The following ARHGAP42 variants were observed in gnomAD, a reference collection of about 807,000 sequenced individuals.
ARHGAP42 encodes Rho GTPase activating protein 42, also known as rho GTPase-activating protein 42.
ARHGAP42 carries 63 observed loss-of-function variants against 125.0 expected under a neutral mutation model. That is an observed-to-expected ratio of 0.50 (90% CI 0.41 to 0.62). The LOEUF (loss-of-function observed/expected upper bound fraction) is 0.62, where lower values mean the gene tolerates loss of function less well. Among genes scored for constraint, ARHGAP42 ranks in the 20% least tolerant of loss-of-function variants. ARHGAP42 has a pLI of 0.00. For missense variants in ARHGAP42, 766 were observed against 1,024.2 expected (o/e 0.75, Z 3.44); for synonymous variants, 339 against 351.0 (o/e 0.97, Z 0.38).
chr11:100,965,015 G>T (rs938453775), intron 16 of ARHGAP42, among the ~76,000 whole-genome samples: 4 of 152,058 alleles, frequency 2.6e-5, no homozygotes, highest in African/African-American at 9.7e-5. Context: ...GGAAGGACTC[G>T]GGAAACTTAC....
chr11:100,773,567 A>G lies in ARHGAP42; in HGVS notation c.250+3129A>G, dbSNP rs920274655. Among the ~76,000 whole-genome samples the G allele has an allele frequency of 2.3e-4, 35 of 152,220 alleles. 1 individual carries two copies. The highest frequency in any genetic ancestry group is 4.4e-5 in the Non-Finnish European group (3 of 68,046). ...TGTTTCCATTTCCATTAAGCTTCTT[A>G]CTTAAAAGACATCTTGAAGTCACAC... On this transcript the variant is annotated intron_variant, in intron 2 of 23. Coordinates refer to ENST00000298815, the MANE Select transcript of ARHGAP42 (RefSeq NM_152432.4).
intron 2 of ARHGAP42, among the ~76,000 whole-genome samples, chr11:100,773,441 A>C (rs533988406): frequency 6.6e-6 from 1 of 152,200 alleles, no homozygotes; most frequent in South Asian, 2.1e-4. Flanking sequence ...CATCAGGTTC[A>C]TATACATGAA....
intron 2 of ARHGAP42, among the ~76,000 whole-genome samples, chr11:100,781,295 T>C (rs1249026114): frequency 1.3e-5 from 2 of 152,104 alleles, no homozygotes; most frequent in African/African-American, 2.4e-5. Context: ...GTTTTTTTTT[T>C]TCTGAATGAT....
chr11:100,754,778 A>G (rs948734669), intron 1 of ARHGAP42, among the ~76,000 whole-genome samples: 68 of 152,182 alleles, frequency 4.5e-4, no homozygotes, highest in Admixed American at 4.4e-3. Context: ...AGTAATCACT[A>G]CGTAGCTTTA....
At chr11:100,987,806 A>AAAATAAAT (rs5794089) in intron 23 of ARHGAP42, among the ~76,000 whole-genome samples, 18,216 of 142,314 alleles carry the variant, frequency 0.13, 1,463 homozygotes, top group East Asian at 0.36. Context: ...CCCAACCCAC[A>AAAATAAAT]AAATAAATAA....
chr11:100,767,704 C>G (rs1254225185), intron 1 of ARHGAP42, among the ~76,000 whole-genome samples: 1 of 152,108 alleles, frequency 6.6e-6, no homozygotes, highest in Non-Finnish European at 1.5e-5. Context: ...TCCCAAGCAT[C>G]TTGATCTGCC....
chr11:100,751,469 T>A (rs1015967904), intron 1 of ARHGAP42, among the ~76,000 whole-genome samples: 4 of 151,950 alleles, frequency 2.6e-5, no homozygotes, highest in African/African-American at 7.2e-5. Context: ...TTTTTATTTT[T>A]TTTTTTCTGC....
rs1294933708 is a variant in ARHGAP42, at chr11:100,989,676, T to C, written c.*875T>C. 1.3e-5 allele frequency: 2 copies of C among 152,216 alleles called. No homozygotes were observed. The highest frequency in any genetic ancestry group is 2.9e-5 in the Non-Finnish European group (2 of 68,046). The allele number at this position is 152,216 out of a possible 1,614,324, so 9.4% of individuals were successfully genotyped here. A position where few individuals can be genotyped will look rare whatever the true frequency, so the allele number is the denominator to read the frequency against. The stretch of plus-strand genomic sequence containing the variant: ...ATTATAGTGGCATCATAGAAGAATA[T>C]TTACCAATGATGGGGAAACTGTAAA... On this transcript the variant is annotated 3_prime_UTR_variant, in exon 24 of 24. Coordinates refer to ENST00000298815, the MANE Select transcript of ARHGAP42 (RefSeq NM_152432.4).
At chr11:100,850,615 A>G (rs1324382236) in intron 3 of ARHGAP42, among the ~76,000 whole-genome samples, 1 of 152,208 alleles carries the variant, frequency 6.6e-6, no homozygotes, top group African/African-American at 2.4e-5. Flanking sequence ...AGTGCTAACT[A>G]TACAAGATCT....
chr11:100,968,755 G>A (rs1858162922), intron 17 of ARHGAP42, among the ~76,000 whole-genome samples: 1 of 151,962 alleles, frequency 6.6e-6, no homozygotes, highest in Non-Finnish European at 1.5e-5. Context: ...TTTGCTTTAT[G>A]CTTTTCATTT....
intron 1 of ARHGAP42, among the ~76,000 whole-genome samples, chr11:100,702,954 AAT>A (rs1398886138): frequency 2.7e-4 from 9 of 32,922 alleles, no homozygotes; most frequent in African/African-American, 2.5e-3. Flanking sequence ...GAGCCACTGT[AAT>A]CCCTGCCTGG....
intron 3 of ARHGAP42, among the ~76,000 whole-genome samples, chr11:100,837,215 T>C (rs1269730936): frequency 6.6e-6 from 1 of 152,190 alleles, no homozygotes; most frequent in Non-Finnish European, 1.5e-5. Flanking sequence ...GTGTGTATTT[T>C]CTAAGACACA....
intron 4 of ARHGAP42, among the ~76,000 whole-genome samples, chr11:100,904,247 C>CTAT (rs529186661): frequency 7.0e-6 from 1 of 143,824 alleles, no homozygotes; most frequent in East Asian, 2.0e-4. Flanking sequence ...TTTCCTCTCT[C>CTAT]TTTTTTTTTT....
intron 8 of ARHGAP42, among the ~76,000 whole-genome samples, chr11:100,938,194 T>G (rs1867786062): frequency 6.6e-6 from 1 of 152,090 alleles, no homozygotes; most frequent in African/African-American, 2.4e-5. Flanking sequence ...TATCCTTTGA[T>G]TCCATACCTT....
chr11:100,764,689 A>G (rs567222250), intron 1 of ARHGAP42, among the ~76,000 whole-genome samples: 6 of 152,326 alleles, frequency 3.9e-5, no homozygotes, highest in African/African-American at 1.2e-4. Context: ...GTGAAAGGAA[A>G]GAAGGGAGGG....
At chr11:100,701,986 T>C (rs1861404934) in intron 1 of ARHGAP42, among the ~76,000 whole-genome samples, 1 of 152,102 alleles carries the variant, frequency 6.6e-6, no homozygotes, top group Non-Finnish European at 1.5e-5. Flanking sequence ...GATCATTTTA[T>C]CTTTAAAGTG....
At chr11:100,988,611 T>C (rs781267204) in intron 23 of ARHGAP42, 102 bp from the exon 24 acceptor site, 11 of 891,764 alleles carry the variant, frequency 1.2e-5, no homozygotes, top group Admixed American at 6.6e-5. Context: ...CCCCCACAGA[T>C]ACTGAGGACT....
intron 6 of ARHGAP42, among the ~76,000 whole-genome samples, chr11:100,922,749 T>A (rs1179774506): frequency 6.6e-6 from 1 of 152,160 alleles, no homozygotes; most frequent in African/African-American, 2.4e-5. Flanking sequence ...AATGGAAAAC[T>A]GAGACAGAGC....
chr11:100,814,867 C>T (rs1864228815), intron 3 of ARHGAP42, among the ~76,000 whole-genome samples: 2 of 152,190 alleles, frequency 1.3e-5, no homozygotes, highest in Non-Finnish European at 2.9e-5. Context: ...GGACACAGAT[C>T]CAAACCATAT....
Sources: gnomAD v4.1 joint callset for allele counts (sites outside exome capture counted in the v4.1 genomes callset) on GRCh38, gnomAD v4.1.1 for gene constraint, MANE v1.5 for transcripts, NCBI Gene and HGNC (gene_info 2026-07-23, HGNC 2026-07-21) for gene names.